The following SYNPR variants were observed in gnomAD, a reference collection of about 807,000 sequenced individuals.
SYNPR encodes synaptoporin.
Under a neutral mutation model 32.9 loss-of-function variants are expected in SYNPR, and 23 were observed. That is an observed-to-expected ratio of 0.70 (90% CI 0.50 to 0.99). The LOEUF is 0.99. SYNPR is among the 50% of genes least tolerant of loss of function. The pLI, the probability that SYNPR is intolerant of heterozygous loss-of-function variation, is 0.00. For missense variants in SYNPR, 318 were observed against 349.3 expected, an observed-to-expected ratio of 0.91 and a Z score of 0.71; for synonymous variants, 146 against 135.9, an observed-to-expected ratio of 1.07 and a Z score of -0.52.
intron 2 of SYNPR, among the ~76,000 whole-genome samples, chr3:63,407,170 G>T (rs938824892): frequency 2.6e-5 from 4 of 152,182 alleles, no homozygotes; most frequent in Non-Finnish European, 5.9e-5. Flanking sequence ...TTTCCGTGGA[G>T]AAATCACATA....
chr3:63,595,720 TATATA>T (rs1699923453), intron 4 of SYNPR, among the ~76,000 whole-genome samples: 10 of 9,718 alleles, frequency 1.0e-3, no homozygotes, highest in East Asian at 6.5e-3. Flanking sequence ...TCTTATTTTA[TATATA>T]TATATATATA....
chr3:63,248,770 A>T (rs2086309807), intron 1 of SYNPR, among the ~76,000 whole-genome samples: 1 of 152,156 alleles, frequency 6.6e-6, no homozygotes, highest in African/African-American at 2.4e-5. Flanking sequence ...TCTTGGCATA[A>T]TTACACATGC....
intron 2 of SYNPR, among the ~76,000 whole-genome samples, chr3:63,265,351 A>C (rs1413878495): frequency 6.7e-6 from 1 of 148,400 alleles, no homozygotes; most frequent in Non-Finnish European, 1.5e-5. Flanking sequence ...TCCCAGGCTC[A>C]AGTGATTCTT....
intron 1 of SYNPR, among the ~76,000 whole-genome samples, chr3:63,231,198 T>C (rs1234743302): frequency 6.6e-6 from 1 of 152,198 alleles, no homozygotes; most frequent in Non-Finnish European, 1.5e-5. Context: ...TTTTTGCAGC[T>C]ACTTGGATGG....
At chr3:63,338,744 G>C (rs1238889872) in intron 2 of SYNPR, among the ~76,000 whole-genome samples, 1 of 152,208 alleles carries the variant, frequency 6.6e-6, no homozygotes, top group Non-Finnish European at 1.5e-5. Context: ...ATACTCTAGA[G>C]ACAAATACCA....
intron 4 of SYNPR, among the ~76,000 whole-genome samples, chr3:63,573,741 T>C (rs1331944822): frequency 1.3e-5 from 2 of 152,170 alleles, no homozygotes; most frequent in Admixed American, 1.3e-4. Context: ...CATTGTTCTA[T>C]GTCAACCTGG....
chr3:63,467,547 C>T (rs1359370807), intron 2 of SYNPR, among the ~76,000 whole-genome samples: 2 of 152,194 alleles, frequency 1.3e-5, no homozygotes, highest in African/African-American at 2.4e-5. Flanking sequence ...TGATGGTACT[C>T]ACCTCACAGA....
At chr3:63,564,195 C>CT (rs151331065) in intron 4 of SYNPR, among the ~76,000 whole-genome samples, 49,397 of 137,630 alleles carry the variant, frequency 0.36, 8,964 homozygotes, top group South Asian at 0.47. Context: ...GTGTGTCTTT[C>CT]TTTTTTTTTT....
intron 3 of SYNPR, among the ~76,000 whole-genome samples, chr3:63,546,297 C>A (rs951144999): frequency 1.3e-5 from 2 of 152,088 alleles, no homozygotes; most frequent in African/African-American, 4.8e-5. Context: ...ATACCTTGGC[C>A]TTTGCAAACC....
intron 3 of SYNPR, among the ~76,000 whole-genome samples, chr3:63,530,715 G>A (rs1271661158): frequency 6.6e-6 from 1 of 152,062 alleles, no homozygotes; most frequent in Non-Finnish European, 1.5e-5. Context: ...GACACTCCTG[G>A]TCTCAGGACC....
intron 2 of SYNPR, among the ~76,000 whole-genome samples, chr3:63,334,150 T>C (rs2087259743): frequency 6.6e-6 from 1 of 152,236 alleles, no homozygotes; most frequent in South Asian, 2.1e-4. Flanking sequence ...GGTTTAGCTA[T>C]AGAATTCAGA....
chr3:63,520,424 C>A (rs1701885435), intron 3 of SYNPR, among the ~76,000 whole-genome samples: 1 of 152,128 alleles, frequency 6.6e-6, no homozygotes, highest in South Asian at 2.1e-4. Context: ...CCTGTAATCC[C>A]AGCACTTTGG....
chr3:63,304,055 G>T (rs183045399), intron 2 of SYNPR, among the ~76,000 whole-genome samples: 42 of 152,088 alleles, frequency 2.8e-4, no homozygotes, highest in Non-Finnish European at 4.3e-4. Flanking sequence ...AGTGCTTTTG[G>T]CTTGCCTTTG....
intron 4 of SYNPR, among the ~76,000 whole-genome samples, chr3:63,591,049 C>T (rs981028539): frequency 6.7e-6 from 1 of 148,240 alleles, no homozygotes; most frequent in Admixed American, 6.7e-5. Flanking sequence ...ATTTTCGCAA[C>T]CTACTCATCT....
intron 2 of SYNPR, among the ~76,000 whole-genome samples, chr3:63,317,490 C>A (rs1245952620): frequency 2.0e-5 from 3 of 151,480 alleles, no homozygotes; most frequent in African/African-American, 4.8e-5. Context: ...ATATAATGTC[C>A]CTTTGTTTAT....
intron 2 of SYNPR, among the ~76,000 whole-genome samples, chr3:63,254,076 C>A (rs1487398927): frequency 2.6e-5 from 4 of 152,020 alleles, no homozygotes; most frequent in African/African-American, 4.8e-5. Flanking sequence ...GACAAAAAAA[C>A]CAAACACCGC....
chr3:63,510,925 G>T (rs1488897036), intron 3 of SYNPR, among the ~76,000 whole-genome samples: 1 of 130,712 alleles, frequency 7.7e-6, no homozygotes, highest in African/African-American at 2.7e-5. Context: ...CTGTGTGTGT[G>T]TGTGTGTGTG....
chr3:63,608,640 C>T (rs942542230), intron 4 of SYNPR, among the ~76,000 whole-genome samples: 4 of 152,172 alleles, frequency 2.6e-5, no homozygotes, highest in African/African-American at 4.8e-5. Flanking sequence ...ATCAAAGAAT[C>T]TTAAACCATT....
chr3:63,539,375 T>A (rs1392104818), intron 3 of SYNPR, among the ~76,000 whole-genome samples: 3 of 152,146 alleles, frequency 2.0e-5, no homozygotes, highest in Non-Finnish European at 2.9e-5. Context: ...TATGCATGTG[T>A]GTCCCAAACT....
Sources: allele counts gnomAD v4.1 joint callset (sites outside exome capture counted in the v4.1 genomes callset), GRCh38; gene constraint gnomAD v4.1.1; transcripts MANE v1.5; gene names NCBI Gene and HGNC (gene_info 2026-07-23, HGNC 2026-07-21).